Variants in RBL2 observed in about 807,000 individuals in gnomAD.
RBL2 encodes RB transcriptional corepressor like 2.
Under a neutral mutation model 126.0 loss-of-function variants are expected in RBL2, and 56 were observed. That is an observed-to-expected ratio of 0.44 (90% CI 0.36 to 0.56). RBL2 has a LOEUF of 0.56. Ranked by LOEUF, RBL2 falls within the 20% of genes least tolerant of loss-of-function variation. RBL2 has a pLI of 0.00. For missense variants in RBL2, 1,229 were observed against 1,398.2 expected, an observed-to-expected ratio of 0.88 and a Z score of 1.93; for synonymous variants, 454 against 478.5, an observed-to-expected ratio of 0.95 and a Z score of 0.67.
intron 8 of RBL2, among the ~76,000 whole-genome samples, chr16:53,455,474 G>C (rs1045159939): frequency 6.6e-6 from 1 of 152,218 alleles, no homozygotes; most frequent in Non-Finnish European, 1.5e-5. Context: ...CATTTTATAT[G>C]TCAGGTTGTG....
intron 21 of RBL2, among the ~76,000 whole-genome samples, chr16:53,482,918 G>A (rs1452694012): frequency 2.0e-5 from 3 of 152,088 alleles, no homozygotes; most frequent in Non-Finnish European, 2.9e-5. Flanking sequence ...TATCATTGAG[G>A]AGACTAGGGA....
chr16:53,447,005 C>T (rs1306782362), intron 3 of RBL2, 37 bp from the exon 4 acceptor site: 2 of 1,295,878 alleles, frequency 1.5e-6, no homozygotes, highest in Non-Finnish European at 2.1e-6. Context: ...TCTGATTCTT[C>T]TGTTGTCTCA....
intron 3 of RBL2, chr16:53,446,014 T>C (rs1479576212): frequency 6.6e-6 from 1 of 152,188 alleles, no homozygotes; most frequent in Non-Finnish European, 1.5e-5. Flanking sequence ...AGATAGCACC[T>C]TCTGTGTAGA....
intron 15 of RBL2, 24 bp from the exon 16 acceptor site, chr16:53,470,359 C>T (rs2058310599): frequency 1.2e-6 from 2 of 1,603,692 alleles, no homozygotes; most frequent in Non-Finnish European, 1.7e-6. Flanking sequence ...ACATTTTCTT[C>T]ATGCTTTTTT....
At position 53,470,049 on chromosome 16, in the gene RBL2, A is replaced by T. The variant is rs779295138; in HGVS notation, c.2109A>T (p.Leu703=). 3 of 1,614,228 alleles carry T rather than the reference A, an allele frequency of 1.9e-6. No homozygotes were observed. The highest frequency in any genetic ancestry group is 2.5e-6 in the Non-Finnish European group (3 of 1,180,024). ...GTPGRMPPQP[L]VNAVPVQNVS... The stretch of plus-strand genomic sequence containing the variant: ...CTGGGCGCATGCCCCCACAGCCCCT[A>T]GTCAATGCTGTCCCTGTGCAGAATG... The change falls in exon 15 of 22, where the codon CTA becomes CTT. Residue 703 remains leucine (L), a synonymous_variant. Coordinates refer to ENST00000262133, the MANE Select transcript of RBL2 (RefSeq NM_005611.4).
At chr16:53,484,139 G>A (rs1961066702) in intron 21 of RBL2, among the ~76,000 whole-genome samples, 1 of 152,130 alleles carries the variant, frequency 6.6e-6, no homozygotes, top group African/African-American at 2.4e-5. Context: ...TAAATTGGCA[G>A]TAACAGCCCC....
At chr16:53,441,853 G>A (rs538277686) in intron 2 of RBL2, among the ~76,000 whole-genome samples, 1 of 151,988 alleles carries the variant, frequency 6.6e-6, no homozygotes, top group African/African-American at 2.4e-5. Context: ...ACAGAGTCTC[G>A]CATTGTCGCC....
At position 53,434,813 on chromosome 16, in the gene RBL2, A is replaced by AG. The variant is rs746909805; in HGVS notation, c.240+21dup. On this transcript the variant is annotated intron_variant, in intron 1 of 21. Coordinates refer to ENST00000262133, the MANE Select transcript of RBL2 (RefSeq NM_005611.4). Reference sequence around the variant, plus strand: ...ACGCTGGAGGTGCGCTCGCGGGCGGAGGGGCGCTTCCGGCCTAGTTGGCGT... The same window carrying AG: ...ACGCTGGAGGTGCGCTCGCGGGCGGAGGGGGCGCTTCCGGCCTAGTTGGCGT... 9.2e-5 allele frequency: 136 copies of AG among 1,483,578 alleles called. No individual in the cohort carries two copies. The highest frequency in any genetic ancestry group is 2.3e-4 in the Middle Eastern group (1 of 4,414). The allele number at this position is 1,483,578 out of a possible 1,614,324, so 91.9% of individuals were successfully genotyped here.
chr16:53,442,982 T>C (rs573732972), intron 3 of RBL2, 124 bp downstream of exon 3: 1 of 792,652 alleles, frequency 1.3e-6, no homozygotes, highest in East Asian at 3.1e-5. Flanking sequence ...TTTTCCTCAG[T>C]CGTTTTCTTT....
intron 1 of RBL2, 87 bp downstream of exon 1, chr16:53,434,883 C>A (rs971170803): frequency 7.2e-7 from 1 of 1,392,942 alleles, no homozygotes; most frequent in Non-Finnish European, 9.3e-7. Context: ...GAGAGACTCT[C>A]GGGCGGGTTG....
Position 53,434,675 on chromosome 16 carries a change from C to T in RBL2, c.119C>T (p.Ser40Leu), listed in dbSNP as rs1280372152. 3 of 1,572,852 alleles carry T rather than the reference C, an allele frequency of 1.9e-6. No individual in the cohort carries two copies. The highest frequency in any genetic ancestry group is 1.7e-6 in the Non-Finnish European group (2 of 1,168,936). ...EAEDAAPPAE[S>L]PTPQIQQRFD... ...GAAGACGCCGCGCCGCCTGCCGAGT[C>T]GCCCACCCCTCAGATCCAGCAGCGG... Residue 40 changes from serine to leucine, a missense_variant, in exon 1 of 22, where the codon TCG becomes TTG. Transcript: ENST00000262133.
At chr16:53,484,840 C>A (rs748046894) in intron 21 of RBL2, among the ~76,000 whole-genome samples, 3 of 152,100 alleles carry the variant, frequency 2.0e-5, no homozygotes, top group Non-Finnish European at 2.9e-5. Flanking sequence ...AGAATTATAT[C>A]TCAATAAAGC....
intron 14 of RBL2, among the ~76,000 whole-genome samples, 192 bp downstream of exon 14, chr16:53,467,361 A>T (rs1244895353): frequency 5.3e-5 from 8 of 152,196 alleles, no homozygotes; most frequent in African/African-American, 1.9e-4. Context: ...TATAACAGGT[A>T]TCTTTTAAAA....
In RBL2 at chr16:53,491,216, C is replaced by T. The variant is rs1961425183; in HGVS notation, c.*916C>T. ...GGATTAATATGAAAACTTATGACCT[C>T]TTCCTTTAGGAGGGAGTTATCTAAA... On this transcript the variant is annotated 3_prime_UTR_variant, in exon 22 of 22. Transcript: ENST00000262133. 1 of 152,144 alleles carries T rather than the reference C, an allele frequency of 6.6e-6. No homozygotes were observed. Among genetic ancestry groups the T allele is most frequent in the Non-Finnish European group, 1.5e-5 (1 of 68,014 alleles). The allele number at this position is 152,144 out of a possible 1,614,324, so 9.4% of individuals were successfully genotyped here.
intron 8 of RBL2, among the ~76,000 whole-genome samples, chr16:53,456,691 T>C (rs2058170765): frequency 6.6e-6 from 1 of 152,252 alleles, no homozygotes; most frequent in African/African-American, 2.4e-5. Context: ...TCTTCAGATA[T>C]GCCAGGCATG....
chr16:53,465,750 C>T, intron 13 of RBL2, 148 bp downstream of exon 13: 1 of 559,318 alleles, frequency 1.8e-6, no homozygotes, highest in East Asian at 3.5e-5. Context: ...TAACGTCCCT[C>T]TCTACCCACA....
In RBL2 at chr16:53,479,330, C is replaced by T. The variant is rs891146109; in HGVS notation, c.2775+105C>T. ...TGTGGCCTTTTTTCCAAGATAAACA[C>T]CTGGGACTCTACTTAAGGGAAGTTT... On this transcript the variant is annotated intron_variant, in intron 18 of 21. Transcript: ENST00000262133. 1.1e-5 allele frequency: 10 copies of T among 930,256 alleles called. No homozygotes were observed. The African/African-American group carries it at 1.7e-4, about 15-fold the overall frequency. 57.6% of individuals were successfully genotyped at this position (930,256 alleles called of 1,614,324 possible).
chr16:53,452,103 C>T (rs1054895748), intron 5 of RBL2, among the ~76,000 whole-genome samples: 5 of 152,208 alleles, frequency 3.3e-5, no homozygotes, highest in Non-Finnish European at 7.4e-5. Flanking sequence ...CTCAGAGTTG[C>T]GAAGATGACA....
At chr16:53,471,284 T>TA (rs1212789204) in intron 17 of RBL2, among the ~76,000 whole-genome samples, 6 of 152,354 alleles carry the variant, frequency 3.9e-5, no homozygotes, top group African/African-American at 7.2e-5. Flanking sequence ...TGCTGGGTCA[T>TA]ACATTAACTG....
Sources: allele counts gnomAD v4.1 joint callset (sites outside exome capture counted in the v4.1 genomes callset), GRCh38; gene constraint gnomAD v4.1.1; transcripts MANE v1.5; gene names NCBI Gene and HGNC (gene_info 2026-07-23, HGNC 2026-07-21).